Variants in RNLS observed in about 807,000 individuals in gnomAD.
RNLS encodes renalase, FAD dependent amine oxidase.
In RNLS, 39 loss-of-function variants were observed where a neutral mutation model predicts 39.8. The ratio of observed to expected loss-of-function variants is 0.98; its 90% CI spans 0.76 to 1.28. RNLS has a LOEUF of 1.28. Ranked by LOEUF, RNLS falls within the 50% of genes most tolerant of loss-of-function variation. The pLI is 0.00. For missense variants in RNLS, 410 were observed against 413.3 expected, an observed-to-expected ratio of 0.99 and a Z score of 0.07; for synonymous variants, 147 against 150.7, an observed-to-expected ratio of 0.98 and a Z score of 0.18.
At chr10:88,183,378 T>C in the RNLS span, among the ~76,000 whole-genome samples, 1 of 152,170 alleles carries the variant, frequency 6.6e-6, no homozygotes, top group Non-Finnish European at 1.5e-5. Context: ...TTCATAGACA[T>C]TGAGAAAACT....
the RNLS span, among the ~76,000 whole-genome samples, chr10:88,189,963 T>G: frequency 6.6e-6 from 1 of 152,180 alleles, no homozygotes; most frequent in Non-Finnish European, 1.5e-5. Flanking sequence ...CTTCGAAATG[T>G]CATAACCAGA....
intron 6 of RNLS, among the ~76,000 whole-genome samples, chr10:88,294,646 T>C (rs953634228): frequency 3.3e-5 from 5 of 152,120 alleles, no homozygotes; most frequent in African/African-American, 7.2e-5. Context: ...GTAAGAGATA[T>C]TTGATGTTTA....
At chr10:88,524,146 T>G (rs1038296762) in intron 4 of RNLS, among the ~76,000 whole-genome samples, 5 of 152,048 alleles carry the variant, frequency 3.3e-5, no homozygotes, top group Non-Finnish European at 5.9e-5. Context: ...TCTTTAGGTT[T>G]CCTGGCTCTA....
intron 4 of RNLS, among the ~76,000 whole-genome samples, chr10:88,532,669 GA>G (rs1262970637): frequency 6.6e-5 from 10 of 151,990 alleles, no homozygotes; most frequent in Non-Finnish European, 1.2e-4. Context: ...AAATTCTATA[GA>G]AATCCTAAGG....
At chr10:88,203,396 G>A in the RNLS span, among the ~76,000 whole-genome samples, 29 of 7,844 alleles carry the variant, frequency 3.7e-3, 4 homozygotes, top group African/African-American at 0.022. Context: ...ACACGTATGT[G>A]TATATATATA....
chr10:88,537,027 C>T (rs1847798388), intron 4 of RNLS, among the ~76,000 whole-genome samples: 1 of 152,042 alleles, frequency 6.6e-6, no homozygotes, highest in South Asian at 2.1e-4. Flanking sequence ...TTAAAAGCAA[C>T]CTGGATTATT....
At chr10:88,573,567 C>T (rs1478407881) in intron 3 of RNLS, among the ~76,000 whole-genome samples, 4 of 152,050 alleles carry the variant, frequency 2.6e-5, no homozygotes, top group African/African-American at 9.7e-5. Flanking sequence ...ATTAAAGGAC[C>T]TGAAAAAGGT....
chr10:88,582,419 C>T, intron 1 of RNLS, 112 bp from the exon 2 acceptor site: 2 of 773,762 alleles, frequency 2.6e-6, no homozygotes, highest in East Asian at 2.8e-5. Context: ...TCTTAAGAAA[C>T]TTTTTTAAGT....
At chr10:88,472,250 G>A (rs574870539) in intron 4 of RNLS, among the ~76,000 whole-genome samples, 2 of 152,312 alleles carry the variant, frequency 1.3e-5, no homozygotes, top group African/African-American at 2.4e-5. Context: ...AGGGACAAGA[G>A]TGGGATCTGG....
At chr10:88,440,902 A>T (rs1451631384) in intron 4 of RNLS, among the ~76,000 whole-genome samples, 1 of 152,132 alleles carries the variant, frequency 6.6e-6, no homozygotes, top group Non-Finnish European at 1.5e-5. Context: ...ATAAACAAAC[A>T]AATTCAGGTT....
chr10:88,368,660 TA>T (rs1159394781), intron 4 of RNLS, among the ~76,000 whole-genome samples: 1 of 152,152 alleles, frequency 6.6e-6, no homozygotes, highest in Non-Finnish European at 1.5e-5. Context: ...AATGCCTCTA[TA>T]ATATTTGATG....
chr10:88,342,545 T>A (rs1848027602), intron 5 of RNLS, among the ~76,000 whole-genome samples: 1 of 152,118 alleles, frequency 6.6e-6, no homozygotes, highest in Non-Finnish European at 1.5e-5. Context: ...TACAATGATA[T>A]CCAATTTCTT....
intron 4 of RNLS, among the ~76,000 whole-genome samples, chr10:88,438,238 A>C (rs1841522362): frequency 3.3e-5 from 5 of 152,120 alleles, no homozygotes; most frequent in Admixed American, 2.0e-4. Context: ...GCCATGAGTC[A>C]ATCCAGGCAG....
intron 4 of RNLS, among the ~76,000 whole-genome samples, chr10:88,433,358 G>C (rs570136648): frequency 2.5e-4 from 38 of 152,202 alleles, no homozygotes; most frequent in Non-Finnish European, 4.6e-4. Context: ...GGTTCAGAGA[G>C]AGATGGCTAG....
chr10:88,451,079 G>A (rs1207392811), intron 4 of RNLS, among the ~76,000 whole-genome samples: 1 of 152,136 alleles, frequency 6.6e-6, no homozygotes, highest in Non-Finnish European at 1.5e-5. Context: ...TGAGAGGTGA[G>A]ATGCAAGTGT....
chr10:88,446,786 C>A lies in RNLS; in HGVS notation c.527-84061G>T, dbSNP rs191896221. Among the ~76,000 whole-genome samples, 1,111 of 152,268 alleles carry A rather than the reference C, an allele frequency of 7.3e-3. 14 individuals carry two copies. Among genetic ancestry groups the A allele is most frequent in the African/African-American group, 0.025 (1,045 of 41,550 alleles). On this transcript the variant is annotated intron_variant, in intron 4 of 6. Coordinates refer to ENST00000331772, the MANE Select transcript of RNLS (RefSeq NM_001031709.3). ...TCAATAAGATACTGGCAAACTGAAT[C>A]CAGCAACACATCAAAAAGCTTACCC...
chr10:88,417,663 TA>T (rs1340325151), intron 4 of RNLS, among the ~76,000 whole-genome samples: 1 of 152,238 alleles, frequency 6.6e-6, no homozygotes, highest in Non-Finnish European at 1.5e-5. Flanking sequence ...CATAGCCCTT[TA>T]AATATCTGTG....
At chr10:88,256,546 C>A in the RNLS span, among the ~76,000 whole-genome samples, 1 of 152,244 alleles carries the variant, frequency 6.6e-6, no homozygotes, top group Non-Finnish European at 1.5e-5. Flanking sequence ...GGCGAAGGAA[C>A]TTTTTCATGC....
intron 4 of RNLS, among the ~76,000 whole-genome samples, chr10:88,518,235 T>A (rs1290864634): frequency 6.6e-6 from 1 of 151,866 alleles, no homozygotes; most frequent in African/African-American, 2.4e-5. Flanking sequence ...ATACACATAT[T>A]TACCCATAAC....
Sources: gnomAD v4.1 joint callset for allele counts (sites outside exome capture counted in the v4.1 genomes callset) on GRCh38, gnomAD v4.1.1 for gene constraint, MANE v1.5 for transcripts, NCBI Gene and HGNC (gene_info 2026-07-23, HGNC 2026-07-21) for gene names.